GLIS3: variants seen among roughly 807,000 people sequenced by gnomAD.
GLIS3 encodes the protein zinc finger protein GLIS3.
A neutral mutation model predicts 78.6 loss-of-function variants in GLIS3; 53 were observed. The observed-to-expected ratio is 0.67, with a 90% CI of 0.54 to 0.85. GLIS3 has a LOEUF of 0.85. Ranked by LOEUF, GLIS3 falls within the 40% of genes least tolerant of loss-of-function variation. The probability of loss-of-function intolerance (pLI) is 0.00; values close to 1 mark genes in which losing one functional copy is unlikely to be tolerated. For synonymous variants in GLIS3, 684 were observed against 509.9 expected, an observed-to-expected ratio of 1.34 and a Z score of -4.60; for missense variants, 1,703 against 1,231.1, an observed-to-expected ratio of 1.38 and a Z score of -5.74.
intron 2 of GLIS3, among the ~76,000 whole-genome samples, chr9:4,270,994 A>G (rs1826460073): frequency 6.6e-6 from 1 of 151,716 alleles, no homozygotes. Context: ...TTAAATATAA[A>G]TTATTCTGCC....
At chr9:3,890,722 G>A (rs947602518) in intron 7 of GLIS3, among the ~76,000 whole-genome samples, 4 of 151,838 alleles carry the variant, frequency 2.6e-5, no homozygotes, top group African/African-American at 4.8e-5. Context: ...GGCATAGCAC[G>A]CTGTCTCTAA....
intron 2 of GLIS3, among the ~76,000 whole-genome samples, chr9:4,325,809 C>T (rs1408989722): frequency 6.6e-6 from 1 of 152,136 alleles, no homozygotes; most frequent in African/African-American, 2.4e-5. Context: ...CCTAGATGCC[C>T]ATCAATGATA....
intron 2 of GLIS3, among the ~76,000 whole-genome samples, chr9:4,216,879 C>T (rs990256044): frequency 6.6e-6 from 1 of 152,144 alleles, no homozygotes; most frequent in East Asian, 1.9e-4. Flanking sequence ...AAAATCAAAA[C>T]CCCTCCTCTC....
At chr9:4,046,533 G>C (rs1825264271) in intron 4 of GLIS3, among the ~76,000 whole-genome samples, 1 of 152,170 alleles carries the variant, frequency 6.6e-6, no homozygotes, top group Admixed American at 6.5e-5. Flanking sequence ...ACTGAACATG[G>C]GTCAAAGGTG....
intron 2 of GLIS3, among the ~76,000 whole-genome samples, chr9:4,180,632 G>A (rs565165572): frequency 6.6e-6 from 1 of 152,268 alleles, no homozygotes; most frequent in Admixed American, 6.5e-5. Context: ...CCTGCTCCAT[G>A]AGAGAACAGC....
the GLIS3 span, among the ~76,000 whole-genome samples, chr9:4,405,674 A>T: frequency 1.3e-5 from 2 of 152,156 alleles, no homozygotes; most frequent in African/African-American, 2.4e-5. Context: ...ACCCTACTCA[A>T]ACTGTTCTGA....
the GLIS3 span, among the ~76,000 whole-genome samples, chr9:4,418,000 G>A: frequency 6.6e-6 from 1 of 152,148 alleles, no homozygotes; most frequent in African/African-American, 2.4e-5. Context: ...TAGCATTCCT[G>A]GCTCCTGTCC....
At chr9:4,321,237 G>A (rs112123615) in intron 2 of GLIS3, among the ~76,000 whole-genome samples, 9,004 of 139,952 alleles carry the variant, frequency 0.064, 481 homozygotes, top group African/African-American at 0.13. Context: ...TGGCTAACAC[G>A]GTGAAACCCC....
chr9:4,287,954 T>C (rs1828140710), intron 1 of GLIS3, among the ~76,000 whole-genome samples: 1 of 152,244 alleles, frequency 6.6e-6, no homozygotes, highest in African/African-American at 2.4e-5. Context: ...TCACTAAGAA[T>C]GCCATCAGTT....
chr9:4,329,338 G>A (rs1347133238), intron 2 of GLIS3, among the ~76,000 whole-genome samples: 3 of 152,040 alleles, frequency 2.0e-5, no homozygotes, highest in Non-Finnish European at 2.9e-5. Context: ...GCTTGTTTCC[G>A]ATAATTAATG....
intron 2 of GLIS3, among the ~76,000 whole-genome samples, chr9:4,168,156 C>T (rs1206414053): frequency 6.6e-6 from 1 of 151,996 alleles, no homozygotes; most frequent in African/African-American, 2.4e-5. Context: ...CCTTTCTTAT[C>T]TTCTCTCTCT....
intron 2 of GLIS3, among the ~76,000 whole-genome samples, chr9:4,210,249 G>T (rs1409319775): frequency 6.6e-6 from 1 of 152,210 alleles, no homozygotes; most frequent in Non-Finnish European, 1.5e-5. Flanking sequence ...TTTGCAATAT[G>T]TAAAGGATTT....
At chr9:4,397,531 C>T in the GLIS3 span, among the ~76,000 whole-genome samples, 4 of 151,598 alleles carry the variant, frequency 2.6e-5, no homozygotes, top group East Asian at 7.7e-4. Flanking sequence ...TTGAAGAAAA[C>T]CAAGCAAGGG....
intron 2 of GLIS3, among the ~76,000 whole-genome samples, chr9:4,265,911 TGTC>T (rs1266572839): frequency 2.1e-4 from 16 of 77,804 alleles, no homozygotes; most frequent in Admixed American, 1.5e-3. Context: ...TTTTTTTGTT[TGTC>T]TGTTTGTTTG....
chr9:4,133,113 G>A (rs368036792), intron 2 of GLIS3, among the ~76,000 whole-genome samples: 10 of 152,278 alleles, frequency 6.6e-5, no homozygotes, highest in East Asian at 5.8e-4. Context: ...GAAGCTCATC[G>A]TACTATCTAT....
At chr9:3,886,059 G>C (rs1822052196) in intron 7 of GLIS3, among the ~76,000 whole-genome samples, 1 of 152,134 alleles carries the variant, frequency 6.6e-6, no homozygotes, top group South Asian at 2.1e-4. Flanking sequence ...AACCACTGTT[G>C]CTATTATTTG....
intron 2 of GLIS3, among the ~76,000 whole-genome samples, chr9:4,268,708 G>C (rs1367132794): frequency 1.3e-5 from 2 of 152,174 alleles, no homozygotes; most frequent in African/African-American, 4.8e-5. Context: ...ATACCCCACA[G>C]AGAGTAGGAA....
At chr9:4,417,571 T>C in the GLIS3 span, among the ~76,000 whole-genome samples, 4 of 152,242 alleles carry the variant, frequency 2.6e-5, no homozygotes, top group East Asian at 1.9e-4. Flanking sequence ...CAACCAATGT[T>C]GTAATGAACA....
intron 7 of GLIS3, among the ~76,000 whole-genome samples, chr9:3,891,882 G>C (rs993192815): frequency 6.6e-6 from 1 of 152,166 alleles, no homozygotes; most frequent in Admixed American, 6.5e-5. Context: ...ATGCTTCATA[G>C]GCATCCCTGT....
Sources: gnomAD v4.1 joint callset for allele counts (sites outside exome capture counted in the v4.1 genomes callset) on GRCh38, gnomAD v4.1.1 for gene constraint, MANE v1.5 for transcripts, NCBI Gene and HGNC (gene_info 2026-07-23, HGNC 2026-07-21) for gene names.